TBC1D5: variants seen among roughly 807,000 people sequenced by gnomAD.
The protein encoded by TBC1D5 is TBC1 domain family, member 5.
In TBC1D5, 75 loss-of-function variants were observed where a neutral mutation model predicts 100.3. That is an observed-to-expected ratio of 0.75 (90% CI 0.62 to 0.91). The LOEUF (loss-of-function observed/expected upper bound fraction) is 0.91. TBC1D5 is among the 40% of genes least tolerant of loss of function. The pLI, the probability that TBC1D5 is intolerant of heterozygous loss-of-function variation, is 0.00. For missense variants in TBC1D5, 910 were observed against 942.4 expected, an observed-to-expected ratio of 0.97 and a Z score of 0.45; for synonymous variants, 323 against 325.6, an observed-to-expected ratio of 0.99 and a Z score of 0.09.
At chr3:17,469,937 T>C (rs555808670) in intron 3 of TBC1D5, among the ~76,000 whole-genome samples, 1 of 152,348 alleles carries the variant, frequency 6.6e-6, no homozygotes, top group Admixed American at 6.5e-5. Context: ...ATGTTTTACA[T>C]AAAGAATTTA....
At chr3:17,214,319 C>T in exon 18 of TBC1D5, 7 of 1,613,062 alleles carry the variant, frequency 4.3e-6, no homozygotes, top group Non-Finnish European at 5.9e-6. Context: ...TTCTCTTCCT[C>T]CAGGCAAACT....
chr3:17,606,912 A>G (rs116544552), intron 2 of TBC1D5, among the ~76,000 whole-genome samples: 3,498 of 152,300 alleles, frequency 0.023, 60 homozygotes, highest in Non-Finnish European at 0.035. Context: ...AGGTCTTGCA[A>G]CATAATGAGA....
chr3:17,471,509 T>C (rs1355849352), intron 3 of TBC1D5, among the ~76,000 whole-genome samples: 1 of 151,868 alleles, frequency 6.6e-6, no homozygotes, highest in Admixed American at 6.6e-5. Flanking sequence ...TTGTAAAAGA[T>C]GTAGGAAAAG....
chr3:17,588,903 T>G (rs1299043144), intron 2 of TBC1D5, among the ~76,000 whole-genome samples: 1 of 152,222 alleles, frequency 6.6e-6, no homozygotes, highest in African/African-American at 2.4e-5. Flanking sequence ...CCGTAAGAGC[T>G]AAGAAACCTA....
intron 13 of TBC1D5, among the ~76,000 whole-genome samples, chr3:17,335,099 G>A (rs2087502659): frequency 6.6e-6 from 1 of 152,040 alleles, no homozygotes; most frequent in African/African-American, 2.4e-5. Context: ...TCTTATAAGA[G>A]CTTCTTGAAA....
At chr3:17,306,949 T>G (rs540477046) in intron 14 of TBC1D5, among the ~76,000 whole-genome samples, 30 of 152,274 alleles carry the variant, frequency 2.0e-4, no homozygotes, top group African/African-American at 7.0e-4. Flanking sequence ...AACTTTCACT[T>G]TGAGAAAACC....
chr3:17,503,472 CT>C lies in TBC1D5; in HGVS notation c.97+5001del, dbSNP rs796677454. On this transcript the variant is annotated intron_variant, in intron 3 of 21. Transcript: ENST00000253692. ...CTACTAGTCATAAACACCATGGTAT[CT>C]TTTTCAATGTTTTATTTCCAGCACT... 1.9e-4 allele frequency among the ~76,000 whole-genome samples: 28 copies of C among 149,618 alleles called. 4 individuals carry two copies. Among genetic ancestry groups the C allele is most frequent in the African/African-American group, 7.1e-4 (28 of 39,456 alleles).
chr3:17,367,639 A>T (rs1371172337), intron 13 of TBC1D5, among the ~76,000 whole-genome samples: 2 of 152,094 alleles, frequency 1.3e-5, no homozygotes, highest in Admixed American at 6.6e-5. Flanking sequence ...CGGGCAGATC[A>T]CTCAAGGTCA....
intron 14 of TBC1D5, among the ~76,000 whole-genome samples, chr3:17,295,863 A>C (rs941947932): frequency 2.0e-5 from 3 of 152,182 alleles, no homozygotes; most frequent in Non-Finnish European, 2.9e-5. Flanking sequence ...TAAAGGTCTC[A>C]TGAGTCCTCC....
intron 3 of TBC1D5, among the ~76,000 whole-genome samples, chr3:17,488,450 A>T (rs73153048): frequency 0.08 from 12,170 of 152,178 alleles, 1,003 homozygotes; most frequent in African/African-American, 0.22. Flanking sequence ...TGTGTGCAGA[A>T]CTCTGTATAG....
intron 1 of TBC1D5, among the ~76,000 whole-genome samples, chr3:17,729,621 C>T (rs1221123974): frequency 1.3e-5 from 2 of 152,034 alleles, no homozygotes; most frequent in Non-Finnish European, 2.9e-5. Flanking sequence ...GCAGGAGAAT[C>T]GCTTGAACCT....
chr3:17,610,915 C>G (rs535478090), intron 2 of TBC1D5, among the ~76,000 whole-genome samples: 1 of 152,052 alleles, frequency 6.6e-6, no homozygotes, highest in Non-Finnish European at 1.5e-5. Flanking sequence ...GAGGCTGAGG[C>G]AGGAGAATGA....
intron 17 of TBC1D5, among the ~76,000 whole-genome samples, chr3:17,234,330 G>A (rs2075687186): frequency 1.3e-5 from 2 of 151,738 alleles, no homozygotes; most frequent in South Asian, 4.2e-4. Context: ...TATACTTATT[G>A]TAGGCAAGAT....
At chr3:17,491,409 C>G (rs934995292) in intron 3 of TBC1D5, among the ~76,000 whole-genome samples, 1 of 152,092 alleles carries the variant, frequency 6.6e-6, no homozygotes, top group Non-Finnish European at 1.5e-5. Flanking sequence ...GGGAATGTTT[C>G]CAGCTTTTGC....
At chr3:17,657,664 A>G (rs1353548006) in intron 1 of TBC1D5, among the ~76,000 whole-genome samples, 1 of 152,130 alleles carries the variant, frequency 6.6e-6, no homozygotes, top group Non-Finnish European at 1.5e-5. Flanking sequence ...CTGCATCAAT[A>G]TAGTCAATCA....
chr3:17,625,455 T>C (rs1444220290), intron 1 of TBC1D5, among the ~76,000 whole-genome samples: 1 of 152,042 alleles, frequency 6.6e-6, no homozygotes, highest in Non-Finnish European at 1.5e-5. Flanking sequence ...CCTTCTCATA[T>C]TTACATCAAC....
intron 1 of TBC1D5, chr3:17,706,306 G>C (rs543365514): frequency 6.6e-7 from 1 of 1,511,980 alleles, no homozygotes; most frequent in African/African-American, 1.4e-5. Flanking sequence ...CACCTTTTCT[G>C]TTCAAACCAG....
At chr3:17,157,651 G>C (rs2065704309) in exon 22 of TBC1D5, 1 of 152,268 alleles carries the variant, frequency 6.6e-6, no homozygotes, top group Non-Finnish European at 1.5e-5. Flanking sequence ...TCTATGTGGG[G>C]ACCTAAGTCC....
At chr3:17,541,059 A>G (rs1247246889) in intron 2 of TBC1D5, among the ~76,000 whole-genome samples, 2 of 151,710 alleles carry the variant, frequency 1.3e-5, no homozygotes, top group African/African-American at 2.4e-5. Flanking sequence ...TGATTACTGT[A>G]GCTTTGTAGT....
Sources: allele counts gnomAD v4.1 joint callset (sites outside exome capture counted in the v4.1 genomes callset), GRCh38; gene constraint gnomAD v4.1.1; transcripts MANE v1.5; gene names NCBI Gene and HGNC (gene_info 2026-07-23, HGNC 2026-07-21).